Variants in TOX2 observed in about 807,000 individuals in gnomAD.
TOX2 encodes the protein TOX high mobility group box family member 2.
A neutral mutation model predicts 47.4 loss-of-function variants in TOX2; 15 were observed. That is an observed-to-expected ratio of 0.32 (90% CI 0.21 to 0.49). The LOEUF is 0.49. Ranked by LOEUF, TOX2 falls within the 20% of genes least tolerant of loss-of-function variation. The pLI is 0.99. For synonymous variants in TOX2, 290 were observed against 296.6 expected, an observed-to-expected ratio of 0.98 and a Z score of 0.23; for missense variants, 622 against 673.1, an observed-to-expected ratio of 0.92 and a Z score of 0.84.
At chr20:44,066,196 C>T in intron 7 of TOX2, 89 bp downstream of exon 7, 1 of 1,371,228 alleles carries the variant, frequency 7.3e-7, no homozygotes, top group Non-Finnish European at 9.6e-7. Flanking sequence ...CTGCCACTCA[C>T]CAGTGATATA....
rs2071809903 is a variant in TOX2, at chr20:44,065,936, C to T, written c.1185C>T (p.Ser395=). Residue 395 remains serine, a synonymous_variant, in exon 7 of 9, where the codon TCC becomes TCT. Transcript: ENST00000341197. The part of the protein sequence containing the change: ...GLSASPPPPP[S]FPLSPTLHQQ... ...GTGCGTCCCCGCCGCCGCCACCCTC[C>T]TTCCCGCTCAGCCCCACACTGCACC... is the stretch of plus-strand genomic sequence containing the variant. 6.2e-7 allele frequency: 1 copy of T among 1,612,056 alleles called. No individual in the cohort carries two copies. The highest frequency in any genetic ancestry group is 8.5e-7 in the Non-Finnish European group (1 of 1,178,910).
chr20:44,015,151 C>T (rs770218521), intron 3 of TOX2, among the ~76,000 whole-genome samples: 1 of 152,094 alleles, frequency 6.6e-6, no homozygotes, highest in Non-Finnish European at 1.5e-5. Flanking sequence ...AAATGGGTCT[C>T]TGAGGGTCCT....
At chr20:43,997,666 C>T (rs547436558) in intron 2 of TOX2, among the ~76,000 whole-genome samples, 6 of 152,124 alleles carry the variant, frequency 3.9e-5, no homozygotes, top group African/African-American at 9.6e-5. Flanking sequence ...TACAGACTTT[C>T]GGTTTATTTT....
intron 2 of TOX2, among the ~76,000 whole-genome samples, chr20:44,001,036 G>T (rs777121509): frequency 6.6e-5 from 10 of 152,154 alleles, no homozygotes; most frequent in African/African-American, 9.7e-5. Context: ...AAGAAAGAAC[G>T]AGTGGAAATG....
intron 2 of TOX2, among the ~76,000 whole-genome samples, chr20:43,993,890 C>T (rs57146580): frequency 0.15 from 22,626 of 152,116 alleles, 2,183 homozygotes; most frequent in African/African-American, 0.27. Context: ...CAGTAGCTCA[C>T]GCGTGTAATC....
chr20:43,988,051 C>T (rs1228777882), intron 2 of TOX2, among the ~76,000 whole-genome samples: 2 of 151,058 alleles, frequency 1.3e-5, no homozygotes, highest in African/African-American at 4.9e-5. Flanking sequence ...TCCTGAGTAG[C>T]GGGGATTACA....
intron 3 of TOX2, among the ~76,000 whole-genome samples, chr20:44,033,009 A>G (rs1451604641): frequency 6.6e-6 from 1 of 152,220 alleles, no homozygotes; most frequent in Non-Finnish European, 1.5e-5. Flanking sequence ...CTATTATTAT[A>G]GTCGTTTGTT....
chr20:44,018,026 G>A (rs985680931), intron 3 of TOX2, among the ~76,000 whole-genome samples: 19 of 152,214 alleles, frequency 1.2e-4, no homozygotes, highest in Admixed American at 3.9e-4. Context: ...GGCACTTGCA[G>A]CTTGGAACAA....
At chr20:43,951,707 G>GGTTTGTTTTTTTTTTTTTTTTTTTTTT (rs745489872) in intron 1 of TOX2, among the ~76,000 whole-genome samples, 2 of 55,098 alleles carry the variant, frequency 3.6e-5, no homozygotes, top group African/African-American at 1.1e-4. Context: ...AACTTATTAT[G>GGTTTGTTTTTTTTTTTTTTTTTTTTTT]TTTTTTTTTT....
At chr20:43,928,466 G>C (rs550797966) in intron 1 of TOX2, among the ~76,000 whole-genome samples, 1 of 152,346 alleles carries the variant, frequency 6.6e-6, no homozygotes, top group South Asian at 2.1e-4. Context: ...TCGCTTTATT[G>C]CTGCTTTGGA....
chr20:43,926,079 C>T (rs747000263), intron 1 of TOX2, among the ~76,000 whole-genome samples: 2 of 152,190 alleles, frequency 1.3e-5, no homozygotes, highest in Admixed American at 1.3e-4. Flanking sequence ...GATTTAGAAA[C>T]TTGTCGGAAA....
rs946034755 is a variant in TOX2, at chr20:44,068,769, C to G, written c.*83C>G. 2 of 1,580,434 alleles carry G rather than the reference C, an allele frequency of 1.3e-6. No individual in the cohort carries two copies. Among genetic ancestry groups the G allele is most frequent in the Non-Finnish European group, 1.7e-6 (2 of 1,156,572 alleles). ...GCTGACAGCAGAAAAGAGGCCCTGGCCAGAGGCAGGGTGGCCCATCGGAGA... is the reference window on the plus strand; with the variant it reads ...GCTGACAGCAGAAAAGAGGCCCTGGGCAGAGGCAGGGTGGCCCATCGGAGA... On this transcript the variant is annotated 3_prime_UTR_variant, in exon 9 of 9. Coordinates refer to ENST00000341197, the MANE Select transcript of TOX2 (RefSeq NM_001098797.2).
At chr20:44,007,964 T>C (rs1232256072) in intron 3 of TOX2, among the ~76,000 whole-genome samples, 1 of 152,082 alleles carries the variant, frequency 6.6e-6, no homozygotes, top group Admixed American at 6.5e-5. Flanking sequence ...AAAAAAAAAT[T>C]GTATCTTGCT....
Position 44,066,797 on chromosome 20 carries a change from C to A in TOX2, c.1424C>A (p.Thr475Asn). The change falls in exon 8 of 9, where the codon ACC becomes AAC. Residue 475 changes from threonine to asparagine, a missense_variant. This residue lies in a region of TOX2 where 294 missense variants were observed against 300.0 expected (regional missense o/e 0.98). Coordinates refer to ENST00000341197, the MANE Select transcript of TOX2 (RefSeq NM_001098797.2). ...TGCTCACCTGGCCCATCCAACCCCA[C>A]CAGCAGCGGGGACTGGGACAGCAGC... ...GSCSPGPSNP[T>N]SSGDWDSSYP... The A allele has an allele frequency of 1.2e-6, 2 of 1,614,226 alleles. No homozygotes were observed. Among genetic ancestry groups the A allele is most frequent in the Non-Finnish European group, 1.7e-6 (2 of 1,180,036 alleles).
chr20:43,921,460 AAT>A (rs1014023152), intron 1 of TOX2, among the ~76,000 whole-genome samples: 4 of 152,130 alleles, frequency 2.6e-5, no homozygotes, highest in African/African-American at 9.7e-5. Flanking sequence ...TCATCTGTAA[AAT>A]GGGGACATTG....
At chr20:44,024,654 A>C (rs1346670690) in intron 3 of TOX2, among the ~76,000 whole-genome samples, 1 of 152,154 alleles carries the variant, frequency 6.6e-6, no homozygotes, top group South Asian at 2.1e-4. Context: ...TGTGAAAAAA[A>C]AATTAAACCA....
intron 3 of TOX2, among the ~76,000 whole-genome samples, chr20:44,047,069 GAAAAT>G (rs544719164): frequency 9.8e-5 from 15 of 152,304 alleles, no homozygotes; most frequent in Admixed American, 3.9e-4. Flanking sequence ...GGGTCAGAGA[GAAAAT>G]AAAATCATCA....
intron 3 of TOX2, among the ~76,000 whole-genome samples, chr20:44,048,417 T>A (rs574570579): frequency 0.011 from 1,527 of 139,592 alleles, 64 homozygotes; most frequent in African/African-American, 0.033. Context: ...TATATATGTA[T>A]AATTTACCAA....
chr20:44,063,642 AC>A (rs1380683644), intron 5 of TOX2, among the ~76,000 whole-genome samples: 1 of 152,176 alleles, frequency 6.6e-6, no homozygotes, highest in Non-Finnish European at 1.5e-5. Context: ...CAAAAAAGAT[AC>A]TTGCACATGT....
Sources: allele counts gnomAD v4.1 joint callset (sites outside exome capture counted in the v4.1 genomes callset), GRCh38; gene constraint gnomAD v4.1.1; regional missense constraint gnomAD v4.1.1; transcripts MANE v1.5; gene names NCBI Gene and HGNC (gene_info 2026-07-23, HGNC 2026-07-21).